PKD2: variants seen among roughly 807,000 people sequenced by gnomAD.
PKD2 encodes the protein polycystin 2, transient receptor potential cation channel, also known as polycystin-2.
Under a neutral mutation model 105.9 loss-of-function variants are expected in PKD2, and 48 were observed. The observed-to-expected ratio is 0.45, with a 90% CI of 0.36 to 0.58. PKD2 has a LOEUF of 0.58. PKD2 is among the 20% of genes least tolerant of loss of function. The pLI is 0.00. For missense variants in PKD2, 1,078 were observed against 1,255.3 expected, an observed-to-expected ratio of 0.86 and a Z score of 2.13; for synonymous variants, 464 against 481.1, an observed-to-expected ratio of 0.96 and a Z score of 0.46.
intron 1 of PKD2, among the ~76,000 whole-genome samples, chr4:88,015,730 GT>G (rs1726537071): frequency 1.3e-5 from 2 of 152,164 alleles, no homozygotes; most frequent in Admixed American, 1.3e-4. Context: ...CCAATAAAAA[GT>G]TTTTGAAAGG....
rs772965121 is a variant in PKD2, at chr4:88,046,847, T to G, written c.1525T>G (p.Cys509Gly). The G allele has an allele frequency of 3.1e-6, 5 of 1,606,198 alleles. No homozygotes were observed. In the East Asian group the frequency reaches 1.1e-4, roughly 36 times the overall value. Reference protein sequence around the residue: ...KLHYFRSFWNCLDVVIVVLSV... With the variant: ...KLHYFRSFWNGLDVVIVVLSV... The stretch of plus-strand genomic sequence containing the variant: ...ACACTATTTCAGGAGTTTCTGGAAT[T>G]GTCTGGATGTTGTGATCGTTGTGGT... Residue 509 changes from cysteine (C) to glycine (G), a missense_variant, in exon 6 of 15, where the codon TGT becomes GGT. Cys to Gly is a radical substitution (Grantham distance 159, BLOSUM62 -3). This residue lies in a region of PKD2 where 868 missense variants were observed against 1,067.3 expected (regional missense o/e 0.81). Transcript: ENST00000237596.
intron 4 of PKD2, among the ~76,000 whole-genome samples, chr4:88,041,010 C>T (rs546449942): frequency 4.6e-5 from 7 of 152,320 alleles, no homozygotes; most frequent in African/African-American, 1.4e-4. Flanking sequence ...ACAGAAGAAA[C>T]GTCCTTTCTT....
At chr4:88,036,718 T>C (rs1727347229) in intron 3 of PKD2, among the ~76,000 whole-genome samples, 1 of 152,238 alleles carries the variant, frequency 6.6e-6, no homozygotes, top group Non-Finnish European at 1.5e-5. Context: ...TTGATTTTTT[T>C]CTAGCCTGAC....
rs781608133 is a variant in PKD2 at position 88,038,512 on chromosome 4, G to A, written c.1094+11G>A. On this transcript the variant is annotated intron_variant, in intron 4 of 14. Transcript: ENST00000237596. ...CCGAAATGGAACCGCGTAAGTGTCTGTGACTCATTGCCACTCGGTGATATT... is the reference window on the plus strand; with the variant it reads ...CCGAAATGGAACCGCGTAAGTGTCTATGACTCATTGCCACTCGGTGATATT... The A allele has an allele frequency of 3.1e-6, 5 of 1,613,180 alleles. No homozygotes were observed. The African/African-American group carries it at 6.7e-5, about 22-fold the overall frequency.
chr4:88,022,036 A>G (rs1347946502), intron 2 of PKD2, among the ~76,000 whole-genome samples: 1 of 152,122 alleles, frequency 6.6e-6, no homozygotes, highest in Non-Finnish European at 1.5e-5. Context: ...ACCAGACACT[A>G]CACTGTGGCT....
chr4:88,022,516 T>A (rs1726789352), intron 2 of PKD2, among the ~76,000 whole-genome samples: 1 of 152,186 alleles, frequency 6.6e-6, no homozygotes, highest in African/African-American at 2.4e-5. Context: ...TGTGAGCTGT[T>A]GACCAGATTA....
rs76491349 is a variant in PKD2, at chr4:88,047,112, T to C, written c.1548+242T>C. ...CACGCTAATAACAAGAGTATCTCAG[T>C]AATTCATATTTGGCTTTAGTATGCC... On this transcript the variant is annotated intron_variant, in intron 6 of 14. Transcript: ENST00000237596. Among the ~76,000 whole-genome samples the C allele has an allele frequency of 0.014, 2,095 of 152,330 alleles. 57 individuals are homozygous for C. The highest frequency in any genetic ancestry group is 0.048 in the African/African-American group (2,000 of 41,562).
intron 12 of PKD2, among the ~76,000 whole-genome samples, chr4:88,066,801 A>G (rs1720814334): frequency 6.6e-6 from 1 of 152,228 alleles, no homozygotes; most frequent in South Asian, 2.1e-4. Context: ...AAATGGTTAG[A>G]CAGCAACAAC....
intron 13 of PKD2, 78 bp downstream of exon 13, chr4:88,068,139 T>C: frequency 8.9e-7 from 1 of 1,120,778 alleles, no homozygotes; most frequent in Non-Finnish European, 1.4e-6. Context: ...TCTCTCTGAA[T>C]TCACTCCTTT....
intron 2 of PKD2, among the ~76,000 whole-genome samples, chr4:88,028,853 A>G (rs1727046367): frequency 6.6e-6 from 1 of 152,242 alleles, no homozygotes; most frequent in African/African-American, 2.4e-5. Flanking sequence ...TTGTCTGTAT[A>G]TAAATATTAT....
chr4:88,007,811 G>T lies in PKD2; in HGVS notation c.78G>T (p.Pro26=), dbSNP rs899378635. The T allele has an allele frequency of 6.9e-5, 81 of 1,170,840 alleles. 1 individual carries two copies. Among genetic ancestry groups the T allele is most frequent in the Non-Finnish European group, 1.8e-5 (17 of 951,634 alleles). 72.5% of individuals were successfully genotyped at this position (1,170,840 alleles called of 1,614,324 possible). ...KRPPAPRAPD[P]GRLMAGCAAV... ...CGCCCGCGCCCCGCGCGCCGGACCC[G>T]GGCCGGCTGATGGCTGGCTGCGCGG... The change falls in exon 1 of 15, where the codon CCG becomes CCT. Residue 26 remains proline (P), a synonymous_variant. Transcript: ENST00000237596.
chr4:88,055,122 A>G (rs747428094), intron 7 of PKD2, among the ~76,000 whole-genome samples: 6 of 152,154 alleles, frequency 3.9e-5, no homozygotes, highest in East Asian at 1.9e-4. Context: ...AACATGCTCA[A>G]TATTTCTTTG....
intron 6 of PKD2, among the ~76,000 whole-genome samples, chr4:88,047,307 A>C (rs796251189): frequency 9.9e-5 from 15 of 152,278 alleles, no homozygotes; most frequent in African/African-American, 3.6e-4. Flanking sequence ...CTGTAATCCC[A>C]GCACTTGGGG....
intron 13 of PKD2, among the ~76,000 whole-genome samples, chr4:88,070,261 T>G (rs894139598): frequency 3.3e-5 from 5 of 152,094 alleles, no homozygotes; most frequent in African/African-American, 1.2e-4. Flanking sequence ...ACTTTCAAGA[T>G]TTTTTTGCTT....
chr4:88,073,572 C>T (rs1178814217), intron 13 of PKD2, among the ~76,000 whole-genome samples: 1 of 151,878 alleles, frequency 6.6e-6, no homozygotes, highest in Non-Finnish European at 1.5e-5. Flanking sequence ...ATGCTGGCAG[C>T]CTGCCCCTCC....
chr4:88,043,488 T>G, intron 5 of PKD2, 31 bp downstream of exon 5: 1 of 1,447,806 alleles, frequency 6.9e-7, no homozygotes, highest in Non-Finnish European at 9.7e-7. Context: ...TCCCTCCTAT[T>G]TCTGTGTGGT....
intron 8 of PKD2, among the ~76,000 whole-genome samples, chr4:88,057,759 A>G (rs1045492385): frequency 6.6e-6 from 1 of 152,172 alleles, no homozygotes; most frequent in Non-Finnish European, 1.5e-5. Context: ...ACCAAATGGA[A>G]ATAACCTCTG....
chr4:88,068,161 C>T, intron 13 of PKD2, 100 bp downstream of exon 13: 1 of 1,005,026 alleles, frequency 9.9e-7, no homozygotes, highest in Non-Finnish European at 1.6e-6. Context: ...CATTACTAAT[C>T]ATCCAGCTTT....
At chr4:88,009,420 C>A (rs76886301) in intron 1 of PKD2, among the ~76,000 whole-genome samples, 4,110 of 152,200 alleles carry the variant, frequency 0.027, 67 homozygotes, top group South Asian at 0.047. Flanking sequence ...CACTGAAATC[C>A]CAGTTCCACC....
Sources: allele counts gnomAD v4.1 joint callset (sites outside exome capture counted in the v4.1 genomes callset), GRCh38; gene constraint gnomAD v4.1.1; regional missense constraint gnomAD v4.1.1; transcripts MANE v1.5; gene names NCBI Gene and HGNC (gene_info 2026-07-23, HGNC 2026-07-21).